SLC41A2: variants seen among roughly 807,000 people sequenced by gnomAD.
SLC41A2 encodes the protein SLC41A1-like 1.
A neutral mutation model predicts 58.3 loss-of-function variants in SLC41A2; 32 were observed. That is an observed-to-expected ratio of 0.55 (90% CI 0.41 to 0.74). The LOEUF is 0.74. Ranked by LOEUF, SLC41A2 falls within the 30% of genes least tolerant of loss-of-function variation. The pLI is 0.00. For synonymous variants in SLC41A2, 190 were observed against 235.0 expected (o/e 0.81, Z 1.75); for missense variants, 514 against 680.6 (o/e 0.76, Z 2.72).
chr12:104,836,483 T>C (rs1050927330), intron 10 of SLC41A2, among the ~76,000 whole-genome samples: 10 of 152,224 alleles, frequency 6.6e-5, no homozygotes, highest in African/African-American at 2.2e-4. Context: ...AGGTGAAGCA[T>C]ATAAAATGGC....
chr12:104,947,194 C>CTTTTTTTT lies in SLC41A2; in HGVS notation c.-168+10893_-168+10894insAAAAAAAA, dbSNP rs1491116311. On this transcript the variant is annotated intron_variant, in intron 1 of 10. Transcript: ENST00000258538. ...CTGAATTTCTGGCTTTTATTTTTGT[C>CTTTTTTTT]CTTTTTTTTTTTTTTTTTTTTTTTT... Among the ~76,000 whole-genome samples, 68 of 53,686 alleles carry CTTTTTTTT rather than the reference C, an allele frequency of 1.3e-3. 18 individuals carry two copies. The highest frequency in any genetic ancestry group is 2.0e-3 in the East Asian group (2 of 982). 35.2% of individuals were successfully genotyped at this position (53,686 alleles called of 152,430 possible). A position where few individuals can be genotyped will look rare whatever the true frequency, so the allele number is the denominator to read the frequency against.
At chr12:104,947,532 T>C (rs1241852128) in intron 1 of SLC41A2, among the ~76,000 whole-genome samples, 1 of 152,076 alleles carries the variant, frequency 6.6e-6, no homozygotes, top group African/African-American at 2.4e-5. Flanking sequence ...AACTATTTTG[T>C]TCTAATTTTC....
intron 6 of SLC41A2, among the ~76,000 whole-genome samples, chr12:104,871,435 T>C (rs2043769467): frequency 6.6e-6 from 1 of 152,186 alleles, no homozygotes; most frequent in Admixed American, 6.5e-5. Flanking sequence ...ACTATACGAA[T>C]GTATAAATGC....
chr12:104,866,534 G>C lies in SLC41A2; in HGVS notation c.1073C>G (p.Ala358Gly), dbSNP rs781129809. Residue 358 changes from alanine to glycine, a missense_variant, in exon 7 of 11, where the codon GCT becomes GGT. Around this residue, in one of 3 missense-constraint regions of SLC41A2, gnomAD observed 336 missense variants for 430.0 expected, o/e 0.78. Transcript: ENST00000258538. ...ISPLVGVFFL[A>G]LTPIWIIIAA... ...TATTATAATCCAAATAGGGGTTAGA[G>C]CCAAGAAAAATACACCAACTAATGG... The C allele has an allele frequency of 3.1e-6, 5 of 1,607,452 alleles. No individual in the cohort carries two copies. The highest frequency in any genetic ancestry group is 3.4e-6 in the Non-Finnish European group (4 of 1,177,830).
At chr12:104,934,988 G>A (rs991741734) in intron 1 of SLC41A2, among the ~76,000 whole-genome samples, 8 of 152,090 alleles carry the variant, frequency 5.3e-5, no homozygotes, top group South Asian at 2.1e-4. Context: ...ATAGAGTTTC[G>A]TTCTTGTTGC....
chr12:104,822,047 T>A (rs186850098), intron 10 of SLC41A2, among the ~76,000 whole-genome samples: 1 of 152,300 alleles, frequency 6.6e-6, no homozygotes, highest in Non-Finnish European at 1.5e-5. Context: ...AGACAGCTAA[T>A]GTCACTTGAT....
At chr12:104,913,546 G>GTTTCT (rs1237374933) in intron 2 of SLC41A2, among the ~76,000 whole-genome samples, 1 of 152,106 alleles carries the variant, frequency 6.6e-6, no homozygotes, top group Non-Finnish European at 1.5e-5. Context: ...GCACATGCAC[G>GTTTCT]TTTCTCTTTT....
chr12:104,878,775 G>A lies in SLC41A2; in HGVS notation c.1027+7518C>T, dbSNP rs570536625. Among the ~76,000 whole-genome samples, 76 of 152,118 alleles carry A rather than the reference G, an allele frequency of 5.0e-4. 1 individual carries two copies. The highest frequency in any genetic ancestry group is 7.8e-4 in the Non-Finnish European group (53 of 68,024). On this transcript the variant is annotated intron_variant, in intron 6 of 10. Transcript: ENST00000258538. ...GTGAAAAGCGCTGCAATAAACATAC[G>A]TGTGCATATGTCTTTATAGCAGCAT...
intron 2 of SLC41A2, among the ~76,000 whole-genome samples, chr12:104,922,625 C>T (rs1460772089): frequency 1.3e-5 from 2 of 152,138 alleles, no homozygotes; most frequent in Non-Finnish European, 2.9e-5. Context: ...ATCAGTCAGA[C>T]AGAAAATCAA....
intron 2 of SLC41A2, among the ~76,000 whole-genome samples, chr12:104,922,779 C>T (rs2046656711): frequency 6.6e-6 from 1 of 152,104 alleles, no homozygotes; most frequent in Non-Finnish European, 1.5e-5. Flanking sequence ...TATCTTAAGC[C>T]ACAAAATATT....
At chr12:104,854,289 C>A (rs7971260) in intron 8 of SLC41A2, among the ~76,000 whole-genome samples, 74,122 of 151,466 alleles carry the variant, frequency 0.49, 18,950 homozygotes, top group Middle Eastern at 0.58. Context: ...GCCGGCTGGG[C>A]GTGGTGGCTC....
intron 10 of SLC41A2, among the ~76,000 whole-genome samples, chr12:104,826,424 G>T (rs1421742343): frequency 6.6e-6 from 1 of 152,174 alleles, no homozygotes; most frequent in Non-Finnish European, 1.5e-5. Context: ...GACAATGTAG[G>T]ATTGACCTAG....
chr12:104,862,586 G>T (rs371676772), intron 7 of SLC41A2, among the ~76,000 whole-genome samples: 12 of 152,048 alleles, frequency 7.9e-5, no homozygotes, highest in East Asian at 7.7e-4. Flanking sequence ...ACCAACCCTA[G>T]TTACACCATT....
At chr12:104,918,356 A>G (rs2046425890) in intron 2 of SLC41A2, among the ~76,000 whole-genome samples, 1 of 152,092 alleles carries the variant, frequency 6.6e-6, no homozygotes, top group South Asian at 2.1e-4. Flanking sequence ...CTTCTTCATC[A>G]TTGTTCATAA....
At chr12:104,944,782 T>G (rs1379382902) in intron 1 of SLC41A2, among the ~76,000 whole-genome samples, 1 of 152,020 alleles carries the variant, frequency 6.6e-6, no homozygotes, top group Non-Finnish European at 1.5e-5. Context: ...TTTCCCAGAT[T>G]AGTTAAAAGT....
intron 3 of SLC41A2, among the ~76,000 whole-genome samples, chr12:104,903,023 GC>G (rs796329995): frequency 1.4e-4 from 21 of 152,252 alleles, no homozygotes; most frequent in African/African-American, 4.6e-4. Flanking sequence ...TAATTTGCTT[GC>G]TTTTACTCCT....
At chr12:104,940,602 T>G (rs2047472355) in intron 1 of SLC41A2, among the ~76,000 whole-genome samples, 1 of 151,582 alleles carries the variant, frequency 6.6e-6, no homozygotes, top group Non-Finnish European at 1.5e-5. Flanking sequence ...TATCTCCTTT[T>G]TTTTTTTGGC....
intron 6 of SLC41A2, among the ~76,000 whole-genome samples, chr12:104,884,503 G>A (rs538016977): frequency 5.1e-4 from 78 of 152,062 alleles, no homozygotes; most frequent in South Asian, 1.0e-3. Context: ...ATGTATATAG[G>A]GTAACCTGTC....
intron 10 of SLC41A2, among the ~76,000 whole-genome samples, chr12:104,813,783 G>A (rs528810261): frequency 3.3e-5 from 5 of 151,928 alleles, no homozygotes; most frequent in African/African-American, 7.3e-5. Context: ...CTACAGGTGC[G>A]CACCACCACA....
Sources: gnomAD v4.1 joint callset for allele counts (sites outside exome capture counted in the v4.1 genomes callset) on GRCh38, gnomAD v4.1.1 for gene constraint, gnomAD v4.1.1 regional missense constraint, MANE v1.5 for transcripts, NCBI Gene and HGNC (gene_info 2026-07-23, HGNC 2026-07-21) for gene names.